The following SAMD8 variants were observed in gnomAD, a reference collection of about 807,000 sequenced individuals.
SAMD8 encodes sphingomyelin synthase-related protein 1.
A neutral mutation model predicts 42.0 loss-of-function variants in SAMD8; 20 were observed. That is an observed-to-expected ratio of 0.48 (90% CI 0.34 to 0.69). SAMD8 has a LOEUF of 0.69. SAMD8 is among the 30% of genes least tolerant of loss of function. The pLI is 0.01. For synonymous variants in SAMD8, 162 were observed against 173.0 expected (o/e 0.94, Z 0.50); for missense variants, 328 against 511.6 (o/e 0.64, Z 3.46).
At chr10:75,104,184 C>A in intron 1 of SAMD8, 1 of 945,186 alleles carries the variant, frequency 1.1e-6, no homozygotes, top group South Asian at 1.5e-5. Flanking sequence ...TAAGAGCTGT[C>A]ACCTAAACCT....
chr10:75,124,260 A>C (rs1849074387), intron 1 of SAMD8, among the ~76,000 whole-genome samples: 1 of 152,112 alleles, frequency 6.6e-6, no homozygotes, highest in Non-Finnish European at 1.5e-5. Flanking sequence ...ATAGAGTAAT[A>C]GGAAAAAGTA....
intron 1 of SAMD8, chr10:75,103,837 T>A: frequency 8.1e-7 from 1 of 1,230,032 alleles, no homozygotes; most frequent in Non-Finnish European, 1.1e-6. Flanking sequence ...CCCAGGGAAC[T>A]TGGGGTCCCT....
intron 1 of SAMD8, among the ~76,000 whole-genome samples, chr10:75,123,331 G>C (rs537450638): frequency 1.3e-5 from 2 of 152,218 alleles, no homozygotes; most frequent in African/African-American, 4.8e-5. Context: ...GTAGTACCTC[G>C]GCAAGGAGCA....
At chr10:75,143,675 G>A (rs1840070471) in intron 1 of SAMD8, among the ~76,000 whole-genome samples, 1 of 150,868 alleles carries the variant, frequency 6.6e-6, no homozygotes, top group Admixed American at 6.6e-5. Context: ...TTCTCTTTTT[G>A]CTTTTAAGAT....
At position 75,151,073 on chromosome 10, in the gene SAMD8, C is replaced by G; in HGVS notation, c.545C>G (p.Thr182Ser). The change falls in exon 2 of 6, where the codon ACC becomes AGC. Residue 182 changes from threonine (T) to serine (S), a missense_variant. Physicochemically the swap from Thr to Ser is moderately conservative, Grantham distance 58. Around this residue, in one of 2 missense-constraint regions of SAMD8, gnomAD observed 178 missense variants for 325.6 expected, o/e 0.55. Coordinates refer to ENST00000542569, the MANE Select transcript of SAMD8 (RefSeq NM_001174156.2). ...IVHERVPDMQ[T>S]YPPLPDIFLD... ...CATGAGCGAGTGCCTGACATGCAGA[C>G]CTATCCACCACTCCCAGATATATTC... 1 of 1,546,332 alleles carries G rather than the reference C, an allele frequency of 6.5e-7. No homozygotes were observed. Among genetic ancestry groups the G allele is most frequent in the Non-Finnish European group, 8.7e-7 (1 of 1,146,906 alleles).
chr10:75,176,530 C>A lies in SAMD8; in HGVS notation c.1086C>A (p.Tyr362Ter). ...ATATAACAACAAGACTCTTTTTGTA[C>A]TACCATACTCTGGCCAATACCAGAG... ...AFYITTRLFL[Y>*]YHTLANTRAY... Residue 362 changes from tyrosine (Y) to a stop codon, truncating the protein, a stop_gained, in exon 6 of 6, where the codon TAC (tyrosine) becomes TAA (stop). Coordinates refer to ENST00000542569, the MANE Select transcript of SAMD8 (RefSeq NM_001174156.2). LOFTEE classifies it high-confidence loss of function. The surrounding 1 kb of genome is among the most constrained non-coding windows in gnomAD (Gnocchi z 4.3). 6.4e-7 allele frequency: 1 copy of A among 1,550,512 alleles called. No individual in the cohort carries two copies. Among genetic ancestry groups the A allele is most frequent in the Non-Finnish European group, 8.7e-7 (1 of 1,146,902 alleles).
Position 75,111,735 on chromosome 10 carries a change from T to C in SAMD8, c.-16+13T>C. The C allele has an allele frequency of 8.1e-7, 1 of 1,233,686 alleles. No homozygotes were observed. The allele number at this position is 1,233,686 out of a possible 1,614,324, so 76.4% of individuals were successfully genotyped here. A position where few individuals can be genotyped will look rare whatever the true frequency, so the allele number is the denominator to read the frequency against. On this transcript the variant is annotated intron_variant, in intron 1 of 5. Transcript: ENST00000542569. ...TCGGACCGCGGAGGTGAGCGGGAGC[T>C]GAGGCTGAGGAGAGGGGAGCTTGGG...
Position 75,177,990 on chromosome 10 carries a change from T to A in SAMD8, c.*1298T>A, listed in dbSNP as rs547251553. On this transcript the variant is annotated 3_prime_UTR_variant, in exon 6 of 6. Transcript: ENST00000542569. ...AATGAGCTTAAGCTGCTTGGAATAT[T>A]AATTATGTAGTTTTTACATTCCATT... 22 of 152,370 alleles carry A rather than the reference T, an allele frequency of 1.4e-4. No individual in the cohort carries two copies. Among genetic ancestry groups the A allele is most frequent in the Middle Eastern group, 6.8e-3 (2 of 294 alleles). 9.4% of individuals were successfully genotyped at this position (152,370 alleles called of 1,614,324 possible). A position where few individuals can be genotyped will look rare whatever the true frequency, so the allele number is the denominator to read the frequency against.
intron 1 of SAMD8, among the ~76,000 whole-genome samples, chr10:75,119,793 C>T (rs1241905611): frequency 1.3e-5 from 2 of 152,120 alleles, no homozygotes; most frequent in African/African-American, 2.4e-5. Context: ...TAGCTGGGCA[C>T]GGTGACTCAC....
At chr10:75,120,343 C>G (rs1168058595) in intron 1 of SAMD8, among the ~76,000 whole-genome samples, 3 of 152,162 alleles carry the variant, frequency 2.0e-5, no homozygotes, top group African/African-American at 7.2e-5. Context: ...ACGATCTCGG[C>G]TCACCGCAAG....
intron 1 of SAMD8, among the ~76,000 whole-genome samples, chr10:75,139,117 C>T (rs868701598): frequency 2.0e-5 from 3 of 151,816 alleles, no homozygotes; most frequent in Non-Finnish European, 4.4e-5. Flanking sequence ...TGCACCACCA[C>T]GCCCGATTAA....
chr10:75,104,071 C>T (rs759122125), intron 1 of SAMD8: 4 of 1,359,240 alleles, frequency 2.9e-6, no homozygotes, highest in Non-Finnish European at 2.9e-6. Context: ...AGTGGCAGAG[C>T]CCCATGGCAG....
At chr10:75,129,127 T>C (rs1849216031) in intron 1 of SAMD8, among the ~76,000 whole-genome samples, 1 of 129,866 alleles carries the variant, frequency 7.7e-6, no homozygotes, top group Non-Finnish European at 1.6e-5. Context: ...GTACTTCCTC[T>C]TCTTCTTCTT....
At chr10:75,144,713 A>G (rs1316819656) in intron 1 of SAMD8, among the ~76,000 whole-genome samples, 1 of 151,964 alleles carries the variant, frequency 6.6e-6, no homozygotes, top group African/African-American at 2.4e-5. Flanking sequence ...GCTGGAGTGC[A>G]GTGGCGCGAT....
chr10:75,169,947 G>A (rs1430035659), intron 4 of SAMD8, among the ~76,000 whole-genome samples: 2 of 152,052 alleles, frequency 1.3e-5, no homozygotes, highest in African/African-American at 4.8e-5. Context: ...GAAAGTTGCA[G>A]TTTGACGACA....
intron 1 of SAMD8, among the ~76,000 whole-genome samples, chr10:75,126,620 G>C (rs547750002): frequency 8.9e-4 from 135 of 151,072 alleles, no homozygotes; most frequent in Non-Finnish European, 1.6e-3. Context: ...TCCCACCTTG[G>C]CCTCCTGAGG....
intron 2 of SAMD8, 33 bp from the exon 3 acceptor site, chr10:75,164,609 ACTT>A (rs1419077760): frequency 2.5e-6 from 4 of 1,599,072 alleles, no homozygotes; most frequent in Non-Finnish European, 3.4e-6. Context: ...TCACATGTAT[ACTT>A]CTTCAATTCA....
intron 4 of SAMD8, among the ~76,000 whole-genome samples, chr10:75,174,451 T>G (rs1840943240): frequency 6.9e-6 from 1 of 145,800 alleles, no homozygotes; most frequent in South Asian, 2.2e-4. Flanking sequence ...TTTTTTTTTT[T>G]GAGATGGAGT....
chr10:75,148,126 C>T (rs1010583774), intron 1 of SAMD8, among the ~76,000 whole-genome samples: 1 of 151,988 alleles, frequency 6.6e-6, no homozygotes, highest in South Asian at 2.1e-4. Context: ...CCAAAAATTA[C>T]GATTGCTTTT....
Sources: gnomAD v4.1 joint callset for allele counts (sites outside exome capture counted in the v4.1 genomes callset) on GRCh38, gnomAD v4.1.1 for gene constraint, gnomAD v4.1.1 regional missense constraint, Gnocchi (gnomAD v3.1) non-coding constraint, MANE v1.5 for transcripts, NCBI Gene and HGNC (gene_info 2026-07-23, HGNC 2026-07-21) for gene names.